The following DAGLA variants were observed in gnomAD, a reference collection of about 807,000 sequenced individuals.
DAGLA encodes the protein diacylglycerol lipase alpha, also known as diacylglycerol lipase-alpha.
In DAGLA, 22 loss-of-function variants were observed where a neutral mutation model predicts 102.6. That is an observed-to-expected ratio of 0.21 (90% CI 0.15 to 0.31). The LOEUF (loss-of-function observed/expected upper bound fraction) is 0.31, where lower values mean the gene tolerates loss of function less well. DAGLA is among the 10% of genes least tolerant of loss of function. The pLI, the probability that DAGLA is intolerant of heterozygous loss-of-function variation, is 1.00. For synonymous variants in DAGLA, 578 were observed against 628.9 expected, an observed-to-expected ratio of 0.92 and a Z score of 1.21; for missense variants, 927 against 1,446.6, an observed-to-expected ratio of 0.64 and a Z score of 5.83.
At chr11:61,704,354 A>T (rs1230479916) in intron 1 of DAGLA, among the ~76,000 whole-genome samples, 1 of 152,174 alleles carries the variant, frequency 6.6e-6, no homozygotes, top group Non-Finnish European at 1.5e-5. Flanking sequence ...TCCTGACCTC[A>T]GGTGATCTGC....
In DAGLA at chr11:61,737,647, G is replaced by A. The variant is rs565983301; in HGVS notation, c.1515-40G>A. The A allele has an allele frequency of 4.9e-5, 77 of 1,581,294 alleles. No individual in the cohort carries two copies. The South Asian group carries it at 5.2e-4, about 11-fold the overall frequency. The stretch of plus-strand genomic sequence containing the variant: ...CCCGATTCCGGAACACCACCACCCC[G>A]CCCCCTTGGCCTTAGCTTCTGCTTC... On this transcript the variant is annotated intron_variant, in intron 14 of 19. Transcript: ENST00000257215.
intron 1 of DAGLA, among the ~76,000 whole-genome samples, chr11:61,702,234 C>T (rs2065114951): frequency 6.6e-6 from 1 of 152,198 alleles, no homozygotes; most frequent in African/African-American, 2.4e-5. Context: ...CTCTCTCTCT[C>T]TGTCTTTAAC....
chr11:61,701,428 G>A (rs1470835662), intron 1 of DAGLA, among the ~76,000 whole-genome samples: 2 of 152,178 alleles, frequency 1.3e-5, no homozygotes, highest in Non-Finnish European at 2.9e-5. Flanking sequence ...GCCGAGGCTC[G>A]GGCATGTCTC....
chr11:61,696,195 G>A (rs1014438725), intron 1 of DAGLA, among the ~76,000 whole-genome samples: 5 of 152,214 alleles, frequency 3.3e-5, no homozygotes, highest in East Asian at 3.8e-4. Flanking sequence ...CGTCACCAGC[G>A]GTGGGCGCCA....
intron 1 of DAGLA, among the ~76,000 whole-genome samples, chr11:61,699,690 G>T (rs965259273): frequency 6.6e-6 from 1 of 152,250 alleles, no homozygotes; most frequent in African/African-American, 2.4e-5. Flanking sequence ...CCCCTCCGGG[G>T]AGTACAGTGG....
At chr11:61,710,195 G>A (rs886462723) in intron 1 of DAGLA, among the ~76,000 whole-genome samples, 4 of 152,108 alleles carry the variant, frequency 2.6e-5, no homozygotes, top group East Asian at 1.9e-4. Flanking sequence ...AAGCCAGAGC[G>A]CTGGGATTCG....
chr11:61,713,315 G>T lies in DAGLA; in HGVS notation c.-44-6797G>T, dbSNP rs369123217. Among the ~76,000 whole-genome samples, 14 of 152,356 alleles carry T rather than the reference G, an allele frequency of 9.2e-5. No homozygotes were observed. The South Asian group carries it at 2.7e-3, about 29-fold the overall frequency. On this transcript the variant is annotated intron_variant, in intron 1 of 19. Coordinates refer to ENST00000257215, the MANE Select transcript of DAGLA (RefSeq NM_006133.3). ...GGTTCTGGGCCTAGGCTGTGTGGCTGTGGGCAAGTCACTTCAGCTCATCTG... is the reference window on the plus strand; with the variant it reads ...GGTTCTGGGCCTAGGCTGTGTGGCTTTGGGCAAGTCACTTCAGCTCATCTG...
chr11:61,738,056 G>A, intron 15 of DAGLA, 79 bp from the exon 16 acceptor site: 1 of 1,158,004 alleles, frequency 8.6e-7, no homozygotes, highest in Admixed American at 1.7e-5. Flanking sequence ...GCGTGTGCCT[G>A]CCCCTCCGCC....
intron 19 of DAGLA, among the ~76,000 whole-genome samples, chr11:61,743,179 A>G (rs1002443054): frequency 2.0e-5 from 3 of 152,054 alleles, no homozygotes; most frequent in African/African-American, 7.2e-5. Context: ...CCTGGCTAAC[A>G]TGGTGAAACC....
chr11:61,716,261 G>A (rs2065235065), intron 1 of DAGLA, among the ~76,000 whole-genome samples: 1 of 152,168 alleles, frequency 6.6e-6, no homozygotes. Context: ...CCGTAACACA[G>A]TGTGACCAGG....
At chr11:61,730,473 G>A (rs1351792067) in intron 8 of DAGLA, among the ~76,000 whole-genome samples, 1 of 152,056 alleles carries the variant, frequency 6.6e-6, no homozygotes, top group Non-Finnish European at 1.5e-5. Flanking sequence ...TCCGGGCCCT[G>A]ATCAAGGTGC....
rs183308232 is a variant in DAGLA, at chr11:61,685,763, G to A, written c.-45+5259G>A. ...CCTTTTTATGTGGGCCATGGGTACC[G>A]GTGGGAGTGAACAAAGGAAGGTGCT... On this transcript the variant is annotated intron_variant, in intron 1 of 19. Coordinates refer to ENST00000257215, the MANE Select transcript of DAGLA (RefSeq NM_006133.3). Among the ~76,000 whole-genome samples the A allele has an allele frequency of 1.7e-3, 264 of 152,222 alleles. 1 individual carries two copies. Among genetic ancestry groups the A allele is most frequent in the Non-Finnish European group, 3.2e-3 (216 of 68,016 alleles).
At chr11:61,736,798 G>A (rs559940398) in intron 13 of DAGLA, among the ~76,000 whole-genome samples, 3 of 152,202 alleles carry the variant, frequency 2.0e-5, no homozygotes, top group Non-Finnish European at 1.5e-5. Flanking sequence ...GCAGGCTCTG[G>A]CCTCAGGAGA....
chr11:61,738,270 A>C (rs1591053232), intron 16 of DAGLA, 63 bp downstream of exon 16: 4 of 1,390,912 alleles, frequency 2.9e-6, no homozygotes, highest in South Asian at 1.2e-5. Context: ...CTTGACCCCC[A>C]CCGGTTTCTT....
intron 1 of DAGLA, among the ~76,000 whole-genome samples, chr11:61,707,879 G>A (rs757434774): frequency 7.9e-5 from 12 of 152,216 alleles, no homozygotes; most frequent in African/African-American, 9.7e-5. Flanking sequence ...TGGGCAGGGC[G>A]GGGTAGGGGT....
intron 1 of DAGLA, among the ~76,000 whole-genome samples, chr11:61,713,007 C>T (rs1407350443): frequency 6.6e-6 from 1 of 152,170 alleles, no homozygotes; most frequent in Non-Finnish European, 1.5e-5. Context: ...TGGGGTAATA[C>T]CCTGTGGCCT....
At chr11:61,718,208 G>C (rs748294887) in intron 1 of DAGLA, among the ~76,000 whole-genome samples, 29 of 152,120 alleles carry the variant, frequency 1.9e-4, no homozygotes, top group Non-Finnish European at 4.0e-4. Flanking sequence ...CAGCCCCTCT[G>C]GGACAGCACT....
chr11:61,718,609 A>C (rs2135578763), intron 1 of DAGLA, among the ~76,000 whole-genome samples: 2 of 150,984 alleles, frequency 1.3e-5, no homozygotes, highest in South Asian at 2.1e-4. Context: ...CCACCCCCAA[A>C]GCCCAGCCAC....
chr11:61,739,718 G>A (rs2065460370), intron 17 of DAGLA, 57 bp downstream of exon 17: 3 of 1,556,540 alleles, frequency 1.9e-6, no homozygotes, highest in Non-Finnish European at 2.6e-6. Flanking sequence ...AGGGGCAGTG[G>A]AGAGCAGGGC....
Sources: gnomAD v4.1 joint callset for allele counts (sites outside exome capture counted in the v4.1 genomes callset) on GRCh38, gnomAD v4.1.1 for gene constraint, MANE v1.5 for transcripts, NCBI Gene and HGNC (gene_info 2026-07-23, HGNC 2026-07-21) for gene names.